ULK4: variants seen among roughly 807,000 people sequenced by gnomAD.
ULK4 encodes the protein inactive serine/threonine-protein kinase ULK4.
A neutral mutation model predicts 160.6 loss-of-function variants in ULK4; 133 were observed. The ratio of observed to expected loss-of-function variants is 0.83; its 90% CI spans 0.72 to 0.96. The LOEUF (loss-of-function observed/expected upper bound fraction) is 0.96. Among genes scored for constraint, ULK4 ranks in the 40% least tolerant of loss-of-function variants. The pLI, the probability that ULK4 is intolerant of heterozygous loss-of-function variation, is 0.00. For synonymous variants in ULK4, 534 were observed against 539.8 expected (o/e 0.99, Z 0.15); for missense variants, 1,580 against 1,499.5 (o/e 1.05, Z -0.89).
At position 41,962,051 on chromosome 3, in the gene ULK4, TGGCTGCTCCC is replaced by T. The variant is rs1188793941; in HGVS notation, c.-94_-85del. 1 of 152,510 alleles carries T rather than the reference TGGCTGCTCCC, an allele frequency of 6.6e-6. No homozygotes were observed. The highest frequency in any genetic ancestry group is 2.4e-5 in the African/African-American group (1 of 41,482). The allele number at this position is 152,510 out of a possible 1,614,324, so 9.4% of individuals were successfully genotyped here. Reference sequence around the variant, plus strand: ...AGTCAAGAAAAGAGTCCAGTCCACTTGGCTGCTCCCGCGGTTGCGCGCATCTCGGCCTCTG... The same window carrying T: ...AGTCAAGAAAAGAGTCCAGTCCACTTGCGGTTGCGCGCATCTCGGCCTCTG... On this transcript the variant is annotated 5_prime_UTR_variant, in exon 1 of 37. It removes the in-frame stop codon of an upstream open reading frame in the 5' UTR. Coordinates refer to ENST00000301831, the MANE Select transcript of ULK4 (RefSeq NM_017886.4).
At chr3:41,344,212 ACAAGC>A (rs2080749868) in intron 35 of ULK4, among the ~76,000 whole-genome samples, 1 of 152,200 alleles carries the variant, frequency 6.6e-6, no homozygotes, top group South Asian at 2.1e-4. Context: ...CTTGACAAAA[ACAAGC>A]AGTGGGGAAA....
intron 17 of ULK4, among the ~76,000 whole-genome samples, chr3:41,848,826 G>A (rs1338334240): frequency 6.6e-6 from 1 of 152,162 alleles, no homozygotes; most frequent in Non-Finnish European, 1.5e-5. Context: ...TACCCTTTAT[G>A]CCTAAGTTAG....
At chr3:41,822,288 G>A (rs1229211606) in intron 18 of ULK4, among the ~76,000 whole-genome samples, 1 of 152,078 alleles carries the variant, frequency 6.6e-6, no homozygotes, top group Non-Finnish European at 1.5e-5. Flanking sequence ...AGCACCTACG[G>A]TGCACCAGAA....
chr3:41,457,948 T>A (rs2083593360), intron 33 of ULK4, among the ~76,000 whole-genome samples: 1 of 152,152 alleles, frequency 6.6e-6, no homozygotes, highest in Admixed American at 6.5e-5. Context: ...GGCAATTGGA[T>A]GTGTTAGATG....
intron 35 of ULK4, among the ~76,000 whole-genome samples, chr3:41,397,447 C>T (rs1423942664): frequency 6.6e-6 from 1 of 152,028 alleles, no homozygotes; most frequent in Non-Finnish European, 1.5e-5. Flanking sequence ...GGGCAAACAG[C>T]CACCAAAAGC....
intron 31 of ULK4, among the ~76,000 whole-genome samples, chr3:41,606,218 C>T (rs879721122): frequency 1.3e-5 from 2 of 151,392 alleles, no homozygotes; most frequent in Admixed American, 1.3e-4. Flanking sequence ...AAATGAAACC[C>T]AAAGGAAACA....
rs561632234 is a variant in ULK4 at position 41,360,528 on chromosome 3, A to G, written c.3678+37551T>C. 2.7e-4 allele frequency among the ~76,000 whole-genome samples: 41 copies of G among 152,374 alleles called. 1 individual carries two copies. Among genetic ancestry groups the G allele is most frequent in the African/African-American group, 9.9e-4 (41 of 41,584 alleles). ...TGAACTCAACTTAAATGGCCTATCA[A>G]TGATAGACTGGATAAAGAGAATGTG... is the stretch of plus-strand genomic sequence containing the variant. On this transcript the variant is annotated intron_variant, in intron 35 of 36. Transcript: ENST00000301831.
At position 41,907,864 on chromosome 3, in the gene ULK4, T is replaced by TC; in HGVS notation, c.1162_1163insG (p.Lys388ArgfsTer50). 1 of 1,596,468 alleles carries TC rather than the reference T, an allele frequency of 6.3e-7. No individual in the cohort carries two copies. Among genetic ancestry groups the TC allele is most frequent in the South Asian group, 1.1e-5 (1 of 87,810 alleles). On this transcript the variant is annotated frameshift_variant, in exon 12 of 37. Coordinates refer to ENST00000301831, the MANE Select transcript of ULK4 (RefSeq NM_017886.4). LOFTEE classifies it high-confidence loss of function. The stretch of plus-strand genomic sequence containing the variant: ...GCTCACCTTGGTCAGAGGAGAAGTC[T>TC]TCTGTGGTGAACAGTGAGTCATATC...
chr3:41,630,076 G>A (rs1195579885), intron 30 of ULK4, among the ~76,000 whole-genome samples: 1 of 152,128 alleles, frequency 6.6e-6, no homozygotes, highest in African/African-American at 2.4e-5. Context: ...ATCTAAGGGG[G>A]ACACCAATGG....
chr3:41,743,689 G>A (rs1467804303), intron 22 of ULK4, among the ~76,000 whole-genome samples: 1 of 151,646 alleles, frequency 6.6e-6, no homozygotes, highest in East Asian at 1.9e-4. Flanking sequence ...TTTTTGAGAG[G>A]GAGCCTTGCT....
At chr3:41,401,120 G>C (rs561591914) in intron 34 of ULK4, among the ~76,000 whole-genome samples, 1 of 151,764 alleles carries the variant, frequency 6.6e-6, no homozygotes, top group Non-Finnish European at 1.5e-5. Flanking sequence ...CTTTTGAAGA[G>C]AAAAAAAAGT....
chr3:41,331,467 A>T (rs2080441859), intron 35 of ULK4, among the ~76,000 whole-genome samples: 1 of 152,222 alleles, frequency 6.6e-6, no homozygotes, highest in African/African-American at 2.4e-5. Flanking sequence ...CCTTGGTAAA[A>T]AGTGAAAACA....
At chr3:41,897,367 G>C (rs1698196705) in intron 14 of ULK4, among the ~76,000 whole-genome samples, 1 of 152,070 alleles carries the variant, frequency 6.6e-6, no homozygotes, top group Admixed American at 6.6e-5. Flanking sequence ...ATTGAGAAAA[G>C]CACAAATCCT....
chr3:41,749,455 C>G (rs1436803906), intron 22 of ULK4, among the ~76,000 whole-genome samples: 2 of 152,156 alleles, frequency 1.3e-5, no homozygotes, highest in Non-Finnish European at 2.9e-5. Context: ...TGCACTACAG[C>G]CTGCATGACT....
At chr3:41,483,495 T>G (rs1008062605) in intron 32 of ULK4, among the ~76,000 whole-genome samples, 8 of 152,108 alleles carry the variant, frequency 5.3e-5, no homozygotes, top group Admixed American at 1.3e-4. Flanking sequence ...AGAGACTACA[T>G]TGCTGTGACT....
At chr3:41,534,106 G>A (rs1192152130) in intron 32 of ULK4, among the ~76,000 whole-genome samples, 1 of 152,156 alleles carries the variant, frequency 6.6e-6, no homozygotes, top group Non-Finnish European at 1.5e-5. Flanking sequence ...TTGCTCGGCC[G>A]AAAGTACACT....
intron 35 of ULK4, among the ~76,000 whole-genome samples, chr3:41,337,683 A>G (rs781756593): frequency 4.6e-5 from 7 of 152,224 alleles, no homozygotes; most frequent in Admixed American, 6.5e-5. Flanking sequence ...ATGCTGCGGT[A>G]CTGCTGTCCT....
intron 35 of ULK4, among the ~76,000 whole-genome samples, chr3:41,355,036 G>A (rs2081000716): frequency 6.6e-6 from 1 of 152,202 alleles, no homozygotes; most frequent in African/African-American, 2.4e-5. Context: ...ACACTGGAAA[G>A]TAGCTAGAAA....
chr3:41,566,278 A>T (rs1000604405), intron 31 of ULK4, 148 bp from the exon 32 acceptor site: 1 of 660,494 alleles, frequency 1.5e-6, no homozygotes, highest in Non-Finnish European at 2.5e-6. Context: ...ACATCCTTCT[A>T]TGTTAAGACA....
Sources: gnomAD v4.1 joint callset for allele counts (sites outside exome capture counted in the v4.1 genomes callset) on GRCh38, gnomAD v4.1.1 for gene constraint, MANE v1.5 for transcripts, NCBI Gene and HGNC (gene_info 2026-07-23, HGNC 2026-07-21) for gene names.